Variants in ACAD9 observed in about 807,000 individuals in gnomAD.
ACAD9 encodes the protein acyl-CoA dehydrogenase family member 9.
In ACAD9, 53 loss-of-function variants were observed where a neutral mutation model predicts 70.2. That is an observed-to-expected ratio of 0.75 (90% confidence interval 0.61 to 0.95). The LOEUF is 0.95. Among genes scored for constraint, ACAD9 ranks in the 40% least tolerant of loss-of-function variants. ACAD9 has a pLI of 0.00. For synonymous variants in ACAD9, 313 were observed against 312.1 expected (o/e 1.00, Z -0.03); for missense variants, 777 against 802.8 (o/e 0.97, Z 0.39).
chr3:128,908,149 G>A (rs759408241), intron 12 of ACAD9, 36 bp from the exon 13 acceptor site: 13 of 1,605,150 alleles, frequency 8.1e-6, no homozygotes, highest in Non-Finnish European at 1.1e-5. Context: ...TGCCTGGCCG[G>A]GGGGCAGCCT....
Position 128,910,763 on chromosome 3 carries a change from G to A in ACAD9, c.1715G>A (p.Cys572Tyr), listed in dbSNP as rs778558550. ...CAGGTTCTCTTGGCCAACACCTTCT[G>A]CGTGGAAGCTTACTTGCAGAATCTC... ...DHEVLLANTF[C>Y]VEAYLQNLFS... The change falls in exon 17 of 18, where the codon TGC becomes TAC. Residue 572 changes from cysteine (C) to tyrosine (Y), a missense_variant. Coordinates refer to ENST00000308982, the MANE Select transcript of ACAD9 (RefSeq NM_014049.5). The A allele has an allele frequency of 9.9e-6, 16 of 1,614,188 alleles. No individual in the cohort carries two copies. Among genetic ancestry groups the A allele is most frequent in the South Asian group, 3.3e-5 (3 of 91,082 alleles).
intron 8 of ACAD9, among the ~76,000 whole-genome samples, chr3:128,901,669 C>T (rs988588873): frequency 2.6e-5 from 4 of 152,208 alleles, no homozygotes. Context: ...TGTACCACAA[C>T]CCTGGTCTGC....
At chr3:128,885,269 G>A (rs1425378265) in intron 2 of ACAD9, among the ~76,000 whole-genome samples, 1 of 152,224 alleles carries the variant, frequency 6.6e-6, no homozygotes, top group African/African-American at 2.4e-5. Flanking sequence ...CCAGGGCCTT[G>A]GTGGAGAGTT....
chr3:128,884,715 G>A lies in ACAD9; in HGVS notation c.213G>A (p.Leu71=), dbSNP rs371244300. ...AACTTAATGAAATCAATCAGTTCTT[G>A]GGACCCGTGGAAAAATTCTTCACTG... The part of the protein sequence containing the change: ...QDELNEINQF[L]GPVEKFFTEE... The change falls in exon 2 of 18, where the codon TTG becomes TTA. Residue 71 remains leucine, a synonymous_variant. Transcript: ENST00000308982. The A allele has an allele frequency of 1.9e-6, 3 of 1,613,460 alleles. No individual in the cohort carries two copies. Among genetic ancestry groups the A allele is most frequent in the African/African-American group, 1.3e-5 (1 of 74,898 alleles).
chr3:128,880,148 G>C (rs954744496), intron 1 of ACAD9: 6 of 764,208 alleles, frequency 7.9e-6, no homozygotes, highest in Non-Finnish European at 1.1e-5. Context: ...AGCTGGTCTG[G>C]TCTGGAAATG....
chr3:128,890,510 GGCT>G (rs1379129599), intron 2 of ACAD9, among the ~76,000 whole-genome samples: 1 of 152,018 alleles, frequency 6.6e-6, no homozygotes, highest in Non-Finnish European at 1.5e-5. Context: ...ACACCATCCT[GGCT>G]AACATGGTGA....
At position 128,912,659 on chromosome 3, in the gene ACAD9, C is replaced by T. The variant is rs760907010; in HGVS notation, c.*52C>T. ...GCCCGCCCCTACCCATGGCCCGTTG[C>T]TGGATGACTGTTACTCTTTTTTCAG... On this transcript the variant is annotated 3_prime_UTR_variant, in exon 18 of 18. Coordinates refer to ENST00000308982, the MANE Select transcript of ACAD9 (RefSeq NM_014049.5). 5 of 1,427,364 alleles carry T rather than the reference C, an allele frequency of 3.5e-6. No homozygotes were observed. In the South Asian group the frequency reaches 4.6e-5, roughly 13 times the overall value. 88.4% of individuals were successfully genotyped at this position (1,427,364 alleles called of 1,614,324 possible).
At chr3:128,900,427 A>T (rs1424406845) in intron 7 of ACAD9, among the ~76,000 whole-genome samples, 1 of 151,266 alleles carries the variant, frequency 6.6e-6, no homozygotes, top group African/African-American at 2.4e-5. Flanking sequence ...TTTAGTGGAG[A>T]TGGGGTTTCA....
chr3:128,912,614 GGACAGTGTC>G lies in ACAD9; in HGVS notation c.*8_*16del. The G allele has an allele frequency of 1.5e-5, 25 of 1,612,952 alleles. No individual in the cohort carries two copies. Among genetic ancestry groups the G allele is most frequent in the Non-Finnish European group, 2.0e-5 (24 of 1,178,956 alleles). Reference sequence around the variant, plus strand: ...TCTGGACAGGACATGCTGAGGCAGGGGACAGTGTCCCCTGCTACCGCCCGCCCCTACCCA... The same window carrying G: ...TCTGGACAGGACATGCTGAGGCAGGGCCCTGCTACCGCCCGCCCCTACCCA... On this transcript the variant is annotated 3_prime_UTR_variant, in exon 18 of 18. Coordinates refer to ENST00000308982, the MANE Select transcript of ACAD9 (RefSeq NM_014049.5).
intron 2 of ACAD9, among the ~76,000 whole-genome samples, chr3:128,891,495 C>T (rs1935420135): frequency 6.6e-6 from 1 of 152,200 alleles, no homozygotes; most frequent in Non-Finnish European, 1.5e-5. Context: ...GTGGTGTGCA[C>T]CTGTAATCCC....
At chr3:128,905,695 A>G (rs1935866035) in intron 11 of ACAD9, among the ~76,000 whole-genome samples, 1 of 152,240 alleles carries the variant, frequency 6.6e-6, no homozygotes, top group Non-Finnish European at 1.5e-5. Flanking sequence ...GACCACAGAC[A>G]TTAGTTTGCT....
At chr3:128,912,470 A>T (rs1195602716) in intron 17 of ACAD9, 37 bp from the exon 18 acceptor site, 2 of 1,580,312 alleles carry the variant, frequency 1.3e-6, no homozygotes, top group Non-Finnish European at 8.7e-7. Context: ...ATCACGGTGC[A>T]GAAAGATCAC....
At chr3:128,893,841 C>T (rs530734660) in intron 3 of ACAD9, among the ~76,000 whole-genome samples, 185 bp downstream of exon 3, 3 of 152,168 alleles carry the variant, frequency 2.0e-5, no homozygotes, top group African/African-American at 7.2e-5. Context: ...CATCCTAGCA[C>T]AGAGGAATGA....
rs368130030 is a variant in ACAD9 at position 128,910,053 on chromosome 3, G to C, written c.1596G>C (p.Arg532=). The change falls in exon 16 of 18, where the codon CGG becomes CGC. Residue 532 remains arginine (R), a synonymous_variant. Transcript: ENST00000308982. ...TIMEEQLVLK[R]VANILINLYG... ...TGGAGGAGCAGCTGGTACTGAAGCGGGTGGCCAACATCCTCATCAACCTGT... is the reference window on the plus strand; with the variant it reads ...TGGAGGAGCAGCTGGTACTGAAGCGCGTGGCCAACATCCTCATCAACCTGT... The C allele has an allele frequency of 4.0e-5, 64 of 1,613,940 alleles. 1 individual carries two copies. The highest frequency in any genetic ancestry group is 1.2e-4 in the Admixed American group (7 of 59,998).
Position 128,912,780 on chromosome 3 carries a change from C to A in ACAD9, c.*173C>A. 1.3e-6 allele frequency: 1 copy of A among 748,984 alleles called. No individual in the cohort carries two copies. The highest frequency in any genetic ancestry group is 2.4e-6 in the Non-Finnish European group (1 of 409,604). 46.4% of individuals were successfully genotyped at this position (748,984 alleles called of 1,614,324 possible). ...GGGAGAGCCTCTTCCAGGTTTTGAC[C>A]TGCAGGCAGTGCTCTCTAACAGGAC... On this transcript the variant is annotated 3_prime_UTR_variant, in exon 18 of 18. Coordinates refer to ENST00000308982, the MANE Select transcript of ACAD9 (RefSeq NM_014049.5).
intron 2 of ACAD9, among the ~76,000 whole-genome samples, chr3:128,891,293 C>T (rs1935414411): frequency 2.0e-5 from 3 of 152,168 alleles, no homozygotes; most frequent in Admixed American, 2.0e-4. Context: ...ATGTGCAGCT[C>T]TGCAGGGGAT....
chr3:128,900,300 C>T (rs112750943), intron 7 of ACAD9, among the ~76,000 whole-genome samples: 45 of 152,010 alleles, frequency 3.0e-4, no homozygotes, highest in African/African-American at 1.0e-3. Flanking sequence ...TGCAGTGGCA[C>T]TATCTTGGCT....
rs1442688871 is a variant in ACAD9 at position 128,910,102 on chromosome 3, C to T, written c.1645C>T (p.Arg549Trp). 9 of 1,613,480 alleles carry T rather than the reference C, an allele frequency of 5.6e-6. No homozygotes were observed. Among genetic ancestry groups the T allele is most frequent in the South Asian group, 1.1e-5 (1 of 91,046 alleles). ...NLYGMTAVLS[R>W]ASRSIRIGLR... ...GTATGGCATGACGGCCGTGCTGTCGCGGGCCAGCCGCTCCATCCGCATTGG... is the reference window on the plus strand; with the variant it reads ...GTATGGCATGACGGCCGTGCTGTCGTGGGCCAGCCGCTCCATCCGCATTGG... The change falls in exon 16 of 18, where the codon CGG becomes TGG. Residue 549 changes from arginine to tryptophan, a missense_variant. Arg to Trp is a moderately radical substitution (Grantham distance 101). Coordinates refer to ENST00000308982, the MANE Select transcript of ACAD9 (RefSeq NM_014049.5).
Position 128,897,712 on chromosome 3 carries a change from T to A in ACAD9, c.633+2T>A, listed in dbSNP as rs1199523512. On this transcript the variant is annotated splice_donor_variant, in intron 6 of 17. Transcript: ENST00000308982. LOFTEE classifies it high-confidence loss of function. ...CACTACATCCTCAATGGCTCCAAGG[T>A]AGGGTTCCTTCCCCATGGCCACATT... The A allele has an allele frequency of 3.7e-6, 6 of 1,612,732 alleles. No homozygotes were observed. Among genetic ancestry groups the A allele is most frequent in the Non-Finnish European group, 5.1e-6 (6 of 1,179,388 alleles).
Sources: gnomAD v4.1 joint callset for allele counts (sites outside exome capture counted in the v4.1 genomes callset) on GRCh38, gnomAD v4.1.1 for gene constraint, MANE v1.5 for transcripts, NCBI Gene and HGNC (gene_info 2026-07-23, HGNC 2026-07-21) for gene names.